Variants in THSD7A observed in about 807,000 individuals in gnomAD.
The protein encoded by THSD7A is thrombospondin type 1 domain containing 7A.
Under a neutral mutation model 231.3 loss-of-function variants are expected in THSD7A, and 96 were observed. The observed-to-expected ratio is 0.41, with a 90% CI of 0.35 to 0.49. The LOEUF is 0.49. Ranked by LOEUF, THSD7A falls within the 20% of genes least tolerant of loss-of-function variation. The pLI is 0.05. For missense variants in THSD7A, 2,290 were observed against 2,070.2 expected (o/e 1.11, Z -2.06); for synonymous variants, 940 against 743.3 (o/e 1.26, Z -4.30).
chr7:11,679,920 G>A (rs1350249454), intron 1 of THSD7A, among the ~76,000 whole-genome samples: 1 of 152,002 alleles, frequency 6.6e-6, no homozygotes, highest in African/African-American at 2.4e-5. Flanking sequence ...AAAGCTGGAG[G>A]GATCATACTA....
rs114940715 is a variant in THSD7A, at chr7:11,549,796, G to A, written c.1454-6679C>T. Among the ~76,000 whole-genome samples, 1,148 of 152,164 alleles carry A rather than the reference G, an allele frequency of 7.5e-3. 16 individuals carry two copies. Among genetic ancestry groups the A allele is most frequent in the African/African-American group, 0.026 (1,094 of 41,506 alleles). On this transcript the variant is annotated intron_variant, in intron 4 of 27. Coordinates refer to ENST00000423059, the MANE Select transcript of THSD7A (RefSeq NM_015204.3). Reference sequence around the variant, plus strand: ...GGAGTGTGGTTGGGGGGAGCATCAGGAAAAATATCTAATATATGTTGGGCT... The same window carrying A: ...GGAGTGTGGTTGGGGGGAGCATCAGAAAAAATATCTAATATATGTTGGGCT...
chr7:11,503,277 G>A (rs1168127578), intron 6 of THSD7A, among the ~76,000 whole-genome samples: 1 of 152,174 alleles, frequency 6.6e-6, no homozygotes, highest in East Asian at 1.9e-4. Context: ...GATTGAAGCT[G>A]GACCCCTTTC....
chr7:11,720,002 T>C (rs1408336103), intron 1 of THSD7A, among the ~76,000 whole-genome samples: 1 of 151,808 alleles, frequency 6.6e-6, no homozygotes, highest in Non-Finnish European at 1.5e-5. Flanking sequence ...ATCTCAGAAC[T>C]AAACTTCCTT....
At chr7:11,476,845 G>T (rs1374002899) in intron 7 of THSD7A, among the ~76,000 whole-genome samples, 1 of 149,564 alleles carries the variant, frequency 6.7e-6, no homozygotes, top group Admixed American at 6.7e-5. Context: ...AGATAGTGTA[G>T]AAAGCGATTA....
rs1784886549 is a variant in THSD7A, at chr7:11,444,085, C to G, written c.3064+1976G>C. ...CACTGGTCATTAGAGAAATGCAAAT[C>G]AAAACCACAGTGAGATACCACCTCA... is the stretch of plus-strand genomic sequence containing the variant. On this transcript the variant is annotated intron_variant, in intron 13 of 27. Coordinates refer to ENST00000423059, the MANE Select transcript of THSD7A (RefSeq NM_015204.3). This position sits in a 1 kb window ranked among gnomAD's most constrained non-coding sequence, Gnocchi z 4.2. Among the ~76,000 whole-genome samples the G allele has an allele frequency of 6.6e-6, 1 of 152,016 alleles. No individual in the cohort carries two copies. Among genetic ancestry groups the G allele is most frequent in the African/African-American group, 2.4e-5 (1 of 41,414 alleles).
intron 1 of THSD7A, among the ~76,000 whole-genome samples, chr7:11,642,994 A>T (rs1356035370): frequency 6.6e-6 from 1 of 152,118 alleles, no homozygotes; most frequent in African/African-American, 2.4e-5. Flanking sequence ...TTGAGTCTAT[A>T]AAAGGCCACA....
intron 23 of THSD7A, among the ~76,000 whole-genome samples, chr7:11,400,946 G>A (rs969299139): frequency 6.6e-6 from 1 of 152,084 alleles, no homozygotes; most frequent in Non-Finnish European, 1.5e-5. Context: ...CCCAAACCAC[G>A]ACATTTAATG....
In THSD7A at chr7:11,498,131, C is replaced by T. The variant is rs148414954; in HGVS notation, c.1823-16149G>A. 9.2e-5 allele frequency among the ~76,000 whole-genome samples: 14 copies of T among 152,266 alleles called. No homozygotes were observed. In the East Asian group the frequency reaches 2.3e-3, roughly 25 times the overall value. ...GTGGGAGCTTAGACTCCTGTACATA[C>T]CCCTAGATAAGAGGCTGAAGCCATG... is the stretch of plus-strand genomic sequence containing the variant. On this transcript the variant is annotated intron_variant, in intron 6 of 27. Coordinates refer to ENST00000423059, the MANE Select transcript of THSD7A (RefSeq NM_015204.3).
chr7:11,451,821 C>G (rs1042102665), intron 11 of THSD7A, among the ~76,000 whole-genome samples: 6 of 152,020 alleles, frequency 3.9e-5, no homozygotes, highest in African/African-American at 1.4e-4. Flanking sequence ...AATTGCTCAT[C>G]TTCATTTTTG....
intron 1 of THSD7A, among the ~76,000 whole-genome samples, chr7:11,648,135 A>G (rs1388190348): frequency 6.6e-6 from 1 of 152,064 alleles, no homozygotes. Flanking sequence ...GTAAGTCTGT[A>G]TTTTAGGCTA....
intron 4 of THSD7A, among the ~76,000 whole-genome samples, chr7:11,573,546 CCAATGA>C (rs1163109655): frequency 6.6e-6 from 1 of 152,284 alleles, no homozygotes; most frequent in East Asian, 1.9e-4. Context: ...GGCTTGTTGG[CCAATGA>C]CTAAAAACAG....
At chr7:11,577,041 C>T (rs187071853) in intron 4 of THSD7A, among the ~76,000 whole-genome samples, 253 of 152,250 alleles carry the variant, frequency 1.7e-3, no homozygotes, top group African/African-American at 5.5e-3. Flanking sequence ...TTCAGTATGT[C>T]TGAGAAAATT....
At chr7:11,408,700 C>T (rs1783673920) in intron 19 of THSD7A, among the ~76,000 whole-genome samples, 1 of 152,038 alleles carries the variant, frequency 6.6e-6, no homozygotes, top group African/African-American at 2.4e-5. Flanking sequence ...CGTTGTGTTT[C>T]AAGTATAGCT....
rs1047570141 is a variant in THSD7A at position 11,375,388 on chromosome 7, T to C, written c.*406A>G. On this transcript the variant is annotated 3_prime_UTR_variant, in exon 28 of 28. Coordinates refer to ENST00000423059, the MANE Select transcript of THSD7A (RefSeq NM_015204.3). ...AGTACACATGTTAATTTGACCATAG[T>C]ATTGTGGAGATCTTGGTAGAAACTC... 6.2e-6 allele frequency: 1 copy of C among 160,162 alleles called. No homozygotes were observed. The highest frequency in any genetic ancestry group is 1.4e-5 in the Non-Finnish European group (1 of 73,450). The allele number at this position is 160,162 out of a possible 1,614,324, so 9.9% of individuals were successfully genotyped here.
intron 1 of THSD7A, among the ~76,000 whole-genome samples, chr7:11,647,950 C>T (rs1782347067): frequency 6.6e-6 from 1 of 151,980 alleles, no homozygotes; most frequent in Non-Finnish European, 1.5e-5. Context: ...AAATTTCTTC[C>T]CTACCTAGAT....
intron 1 of THSD7A, among the ~76,000 whole-genome samples, chr7:11,782,310 G>A (rs1033938645): frequency 6.6e-6 from 1 of 152,088 alleles, no homozygotes; most frequent in Non-Finnish European, 1.5e-5. Flanking sequence ...CAAATGATCA[G>A]CCTAATGTTA....
chr7:11,626,535 G>T (rs531909588), intron 2 of THSD7A, among the ~76,000 whole-genome samples: 1 of 152,206 alleles, frequency 6.6e-6, no homozygotes, highest in Admixed American at 6.5e-5. Flanking sequence ...AAGTGACCCT[G>T]GTGGTCACTT....
chr7:11,439,607 T>C (rs1270951494), intron 13 of THSD7A, among the ~76,000 whole-genome samples: 1 of 152,034 alleles, frequency 6.6e-6, no homozygotes, highest in Non-Finnish European at 1.5e-5. Flanking sequence ...TAGAGTGTTA[T>C]TGCTGATGTG....
At chr7:11,571,151 T>A (rs912584300) in intron 4 of THSD7A, among the ~76,000 whole-genome samples, 1 of 152,168 alleles carries the variant, frequency 6.6e-6, no homozygotes, top group Non-Finnish European at 1.5e-5. Flanking sequence ...CAAACAGATA[T>A]GGGAAGGCAC....
Sources: allele counts gnomAD v4.1 joint callset (sites outside exome capture counted in the v4.1 genomes callset), GRCh38; gene constraint gnomAD v4.1.1; non-coding constraint Gnocchi (gnomAD v3.1); transcripts MANE v1.5; gene names NCBI Gene and HGNC (gene_info 2026-07-23, HGNC 2026-07-21).